The following PRDM11 variants were observed in gnomAD, a reference collection of about 807,000 sequenced individuals.
PRDM11 encodes the protein PR domain-containing protein 11.
Under a neutral mutation model 97.8 loss-of-function variants are expected in PRDM11, and 20 were observed. The observed-to-expected ratio is 0.20, with a 90% CI of 0.14 to 0.30. The LOEUF (loss-of-function observed/expected upper bound fraction) is 0.30. Ranked by LOEUF, PRDM11 falls within the 10% of genes least tolerant of loss-of-function variation. PRDM11 has a pLI of 1.00. For missense variants in PRDM11, 1,139 were observed against 1,555.2 expected, an observed-to-expected ratio of 0.73 and a Z score of 4.50; for synonymous variants, 599 against 637.7, an observed-to-expected ratio of 0.94 and a Z score of 0.91.
At chr11:45,188,299 C>G (rs1410559344) in intron 4 of PRDM11, among the ~76,000 whole-genome samples, 1 of 152,216 alleles carries the variant, frequency 6.6e-6, no homozygotes. Flanking sequence ...TTATTCCATC[C>G]ATTGCACAGC....
chr11:45,180,414 C>T (rs1852442782), intron 1 of PRDM11, among the ~76,000 whole-genome samples: 1 of 152,098 alleles, frequency 6.6e-6, no homozygotes, highest in Non-Finnish European at 1.5e-5. Context: ...CTGGGGACAC[C>T]CGCCCGGCCT....
chr11:45,227,272 T>C lies in PRDM11; in HGVS notation c.2647T>C (p.Phe883Leu), dbSNP rs1854298243. The C allele has an allele frequency of 2.0e-6, 3 of 1,533,958 alleles. No homozygotes were observed. The highest frequency in any genetic ancestry group is 2.6e-6 in the Non-Finnish European group (3 of 1,146,720). ...CTACCAGTCCATCAAGCTCATCTAC[T>C]TCCTGCTGGACGTGATTGCTGTGCT... ...MDYQSIKLIY[F>L]LLDVIAVLSR... The change falls in exon 8 of 8, where the codon TTC becomes CTC. Residue 883 changes from phenylalanine to leucine, a missense_variant. Coordinates refer to ENST00000683152, the MANE Select transcript of PRDM11 (RefSeq NM_001384648.1). This position sits in a 1 kb window ranked among gnomAD's most constrained non-coding sequence, Gnocchi z 8.0.
In PRDM11 at chr11:45,234,505, A is replaced by C. The variant is rs1401420947; in HGVS notation, c.*6346A>C. 5 of 152,426 alleles carry C rather than the reference A, an allele frequency of 3.3e-5. No homozygotes were observed. Among genetic ancestry groups the C allele is most frequent in the Non-Finnish European group, 7.3e-5 (5 of 68,148 alleles). 9.4% of individuals were successfully genotyped at this position (152,426 alleles called of 1,614,324 possible). ...CCAACTGGGTCTTGGGACACCCTCC[A>C]GTACCTGGCTCAAGAGAGACCAGGC... On this transcript the variant is annotated 3_prime_UTR_variant, in exon 8 of 8. Coordinates refer to ENST00000683152, the MANE Select transcript of PRDM11 (RefSeq NM_001384648.1).
At chr11:45,094,977 CAG>C (rs1851868330), upstream of PRDM11, among the ~76,000 whole-genome samples, 1 of 152,074 alleles carries the variant, frequency 6.6e-6, no homozygotes, top group East Asian at 1.9e-4. Context: ...AGGAGATAAA[CAG>C]AGTCTGGAGC....
intron 1 of PRDM11, among the ~76,000 whole-genome samples, chr11:45,157,986 A>G (rs893272773): frequency 6.6e-6 from 1 of 152,208 alleles, no homozygotes; most frequent in Non-Finnish European, 1.5e-5. Flanking sequence ...GGAGGTGAGC[A>G]GTGGGCAGCA....
At chr11:45,139,568 C>T (rs1024074179) in intron 1 of PRDM11, among the ~76,000 whole-genome samples, 3 of 91,424 alleles carry the variant, frequency 3.3e-5, no homozygotes, top group Non-Finnish European at 6.1e-5. Context: ...CTCCAACTCA[C>T]AAAAAAAAAA....
chr11:45,220,478 A>G (rs1854090203), intron 6 of PRDM11, among the ~76,000 whole-genome samples: 1 of 152,234 alleles, frequency 6.6e-6, no homozygotes, highest in Non-Finnish European at 1.5e-5. Context: ...ATGATCCCAC[A>G]TGCATTCTTT....
At chr11:45,154,008 G>T (rs1029496514) in intron 1 of PRDM11, among the ~76,000 whole-genome samples, 15 of 152,176 alleles carry the variant, frequency 9.9e-5, no homozygotes, top group Admixed American at 9.2e-4. Context: ...AGTCTTTGAG[G>T]TTGCCTATTT....
chr11:45,137,164 AAAACAAAC>A (rs374207641), intron 1 of PRDM11, among the ~76,000 whole-genome samples: 14 of 148,156 alleles, frequency 9.4e-5, no homozygotes, highest in African/African-American at 3.0e-4. Context: ...CTCTGTCTCA[AAAACAAAC>A]AAACAAACAA....
chr11:45,217,374 C>T (rs887058447), intron 5 of PRDM11, among the ~76,000 whole-genome samples: 1 of 152,160 alleles, frequency 6.6e-6, no homozygotes, highest in Non-Finnish European at 1.5e-5. Flanking sequence ...GTGGTCTTCA[C>T]TACTCAGGGA....
chr11:45,097,514 G>T (rs974837994), intron 1 of PRDM11, among the ~76,000 whole-genome samples: 3 of 145,524 alleles, frequency 2.1e-5, no homozygotes, highest in Admixed American at 1.3e-4. Context: ...GAAGCTCAGG[G>T]GTGGAACAAA....
chr11:45,135,229 A>G (rs1852816254), intron 1 of PRDM11, among the ~76,000 whole-genome samples: 2 of 152,266 alleles, frequency 1.3e-5, no homozygotes, highest in Admixed American at 1.3e-4. Flanking sequence ...TCATGAAAAC[A>G]GGAGAAAACC....
At chr11:45,111,500 T>G (rs1403215975) in intron 1 of PRDM11, among the ~76,000 whole-genome samples, 2 of 152,100 alleles carry the variant, frequency 1.3e-5, no homozygotes, top group Non-Finnish European at 2.9e-5. Context: ...ATGTGAACAC[T>G]CAGTTAAGGT....
chr11:45,162,680 C>T (rs565381151), intron 1 of PRDM11, among the ~76,000 whole-genome samples: 35 of 152,208 alleles, frequency 2.3e-4, no homozygotes, highest in Non-Finnish European at 4.4e-4. Flanking sequence ...AAGTGGCTTC[C>T]CAAGATCATA....
At chr11:45,158,975 C>G (rs1325386074) in intron 1 of PRDM11, among the ~76,000 whole-genome samples, 1 of 152,128 alleles carries the variant, frequency 6.6e-6, no homozygotes, top group Non-Finnish European at 1.5e-5. Flanking sequence ...GCTCCGCCCT[C>G]CCTCTCCTTG....
intron 1 of PRDM11, among the ~76,000 whole-genome samples, chr11:45,164,695 G>T (rs1212909203): frequency 2.0e-5 from 3 of 152,208 alleles, no homozygotes; most frequent in Non-Finnish European, 2.9e-5. Flanking sequence ...AAATCTAAAG[G>T]GATTTCGAAT....
chr11:45,104,105 G>A (rs1008924485), intron 1 of PRDM11, among the ~76,000 whole-genome samples: 1 of 152,230 alleles, frequency 6.6e-6, no homozygotes, highest in African/African-American at 2.4e-5. Flanking sequence ...GCTAGGATAG[G>A]CTGAGCAGGG....
chr11:45,104,523 A>G (rs538034061), intron 1 of PRDM11, among the ~76,000 whole-genome samples: 1 of 152,266 alleles, frequency 6.6e-6, no homozygotes, highest in East Asian at 1.9e-4. Flanking sequence ...ACCTTACAGG[A>G]TGGGCAAGAG....
intron 1 of PRDM11, among the ~76,000 whole-genome samples, chr11:45,160,088 T>C (rs897803550): frequency 6.6e-6 from 1 of 152,204 alleles, no homozygotes; most frequent in African/African-American, 2.4e-5. Context: ...TTGATGCGAG[T>C]AGAGAGAGTA....
Sources: gnomAD v4.1 joint callset for allele counts (sites outside exome capture counted in the v4.1 genomes callset) on GRCh38, gnomAD v4.1.1 for gene constraint, Gnocchi (gnomAD v3.1) non-coding constraint, MANE v1.5 for transcripts, NCBI Gene and HGNC (gene_info 2026-07-23, HGNC 2026-07-21) for gene names.